The following ITGA11 variants were observed in gnomAD, a reference collection of about 807,000 sequenced individuals.
ITGA11 encodes the protein integrin alpha-11.
In ITGA11, 97 loss-of-function variants were observed where a neutral mutation model predicts 141.9. The observed-to-expected ratio is 0.68, with a 90% CI of 0.58 to 0.81. The LOEUF (loss-of-function observed/expected upper bound fraction) is 0.81, where lower values mean the gene tolerates loss of function less well. ITGA11 is among the 30% of genes least tolerant of loss of function. The pLI, the probability that ITGA11 is intolerant of heterozygous loss-of-function variation, is 0.00. For synonymous variants in ITGA11, 658 were observed against 624.6 expected (o/e 1.05, Z -0.80); for missense variants, 1,387 against 1,559.2 (o/e 0.89, Z 1.86).
At chr15:68,375,314 G>A (rs898118091) in intron 2 of ITGA11, among the ~76,000 whole-genome samples, 2 of 152,180 alleles carry the variant, frequency 1.3e-5, no homozygotes, top group South Asian at 2.1e-4. Context: ...TGGAGGAGCC[G>A]AGAGCTCGAG....
At chr15:68,396,139 C>A (rs1272979754) in intron 2 of ITGA11, among the ~76,000 whole-genome samples, 1 of 151,952 alleles carries the variant, frequency 6.6e-6, no homozygotes, top group South Asian at 2.1e-4. Context: ...GATACAAATA[C>A]CCCAACAGAA....
At position 68,321,652 on chromosome 15, in the gene ITGA11, T is replaced by G; in HGVS notation, c.2323-149A>C. On this transcript the variant is annotated intron_variant, in intron 18 of 29. Coordinates refer to ENST00000315757, the MANE Select transcript of ITGA11 (RefSeq NM_001004439.2). This position sits in a 1 kb window ranked among gnomAD's most constrained non-coding sequence, Gnocchi z 4.9. The stretch of plus-strand genomic sequence containing the variant: ...CACCACACTGCTCTGTCTTGTGCTT[T>G]TCCATAGATGCTTCCCTCTTTAAAA... The G allele has an allele frequency of 6.5e-6, 3 of 462,372 alleles. No homozygotes were observed. Among genetic ancestry groups the G allele is most frequent in the South Asian group, 4.5e-5 (1 of 22,264 alleles). The allele number at this position is 462,372 out of a possible 1,614,324, so 28.6% of individuals were successfully genotyped here.
intron 6 of ITGA11, 42 bp from the exon 7 acceptor site, chr15:68,357,341 TG>T (rs1567142636): frequency 6.3e-7 from 1 of 1,579,882 alleles, no homozygotes; most frequent in Non-Finnish European, 8.6e-7. Context: ...TTTGACCCCA[TG>T]AACCCATGAA....
Position 68,335,573 on chromosome 15 carries a change from T to C in ITGA11, c.1425+124A>G. The C allele has an allele frequency of 9.0e-7, 1 of 1,111,194 alleles. No individual in the cohort carries two copies. The highest frequency in any genetic ancestry group is 1.5e-5 in the South Asian group (1 of 68,560). The allele number at this position is 1,111,194 out of a possible 1,614,324, so 68.8% of individuals were successfully genotyped here. On this transcript the variant is annotated intron_variant, in intron 12 of 29. Transcript: ENST00000315757. This position sits in a 1 kb window ranked among gnomAD's most constrained non-coding sequence, Gnocchi z 4.9. ...CCACTCCTGGCAGCATGAAGGTGGC[T>C]GGAGGAACATGACTGCCCTTTGGGG...
chr15:68,345,615 T>C (rs1285873889), intron 10 of ITGA11, among the ~76,000 whole-genome samples: 1 of 152,240 alleles, frequency 6.6e-6, no homozygotes, highest in Non-Finnish European at 1.5e-5. Flanking sequence ...CTACCAGAAC[T>C]AAACAGGCCC....
At chr15:68,311,268 C>A in intron 25 of ITGA11, 22 bp downstream of exon 25, 1 of 1,514,170 alleles carries the variant, frequency 6.6e-7, no homozygotes, top group South Asian at 1.2e-5. Flanking sequence ...CTCCCCTAGC[C>A]GGCTCCCAAG....
Position 68,416,349 on chromosome 15 carries a change from G to T in ITGA11, c.53-13320C>A, listed in dbSNP as rs1356679339. On this transcript the variant is annotated intron_variant, in intron 1 of 29. Transcript: ENST00000315757. ...GAACAAATGTCGGCTAGGGCAGGTG[G>T]CATGTAGGCTGAAACAGAGACTCAC... is the stretch of plus-strand genomic sequence containing the variant. Among the ~76,000 whole-genome samples, 9 of 152,308 alleles carry T rather than the reference G, an allele frequency of 5.9e-5. No homozygotes were observed. In the East Asian group the frequency reaches 1.3e-3, roughly 23 times the overall value.
In ITGA11 at chr15:68,344,759, G is replaced by A. The variant is rs369648777; in HGVS notation, c.1131+4071C>T. On this transcript the variant is annotated intron_variant, in intron 10 of 29. Transcript: ENST00000315757. ...AGCACTGGTCCTGTTAGGTCATCAC[G>A]TGCAGGGTAAGTGACCTCACCTTTA... Among the ~76,000 whole-genome samples the A allele has an allele frequency of 4.9e-3, 753 of 152,250 alleles. 3 individuals carry two copies. The highest frequency in any genetic ancestry group is 0.023 in the South Asian group (112 of 4,812).
In ITGA11 at chr15:68,315,644, C is replaced by G; in HGVS notation, c.2792+7G>C. ...CTTTGGGGAGAAGGAGCAGGCACGGCCCTGACCTGCCTGCAGCGAGCTCGA... is the reference window on the plus strand; with the variant it reads ...CTTTGGGGAGAAGGAGCAGGCACGGGCCTGACCTGCCTGCAGCGAGCTCGA... On this transcript the variant is annotated splice_region_variant and intron_variant, in intron 22 of 29. Coordinates refer to ENST00000315757, the MANE Select transcript of ITGA11 (RefSeq NM_001004439.2). 6.2e-7 allele frequency: 1 copy of G among 1,611,900 alleles called. No individual in the cohort carries two copies. Among genetic ancestry groups the G allele is most frequent in the East Asian group, 2.2e-5 (1 of 44,822 alleles).
At chr15:68,409,513 C>T (rs905093721) in intron 1 of ITGA11, among the ~76,000 whole-genome samples, 9 of 151,620 alleles carry the variant, frequency 5.9e-5, no homozygotes, top group Non-Finnish European at 8.8e-5. Flanking sequence ...CTCTACCTAT[C>T]AGTACTACCT....
At chr15:68,342,999 CT>C (rs1232119177) in intron 10 of ITGA11, among the ~76,000 whole-genome samples, 17 of 3,726 alleles carry the variant, frequency 4.6e-3, no homozygotes, top group African/African-American at 7.6e-3. Context: ...GCAAGTTCTT[CT>C]CTCTCTCTCT....
At chr15:68,315,298 T>C (rs888927342) in intron 22 of ITGA11, among the ~76,000 whole-genome samples, 3 of 152,242 alleles carry the variant, frequency 2.0e-5, no homozygotes, top group Non-Finnish European at 4.4e-5. Flanking sequence ...CCTGCTTTGA[T>C]GATCTTAAGG....
At chr15:68,346,284 G>A (rs1365354254) in intron 10 of ITGA11, among the ~76,000 whole-genome samples, 1 of 152,116 alleles carries the variant, frequency 6.6e-6, no homozygotes, top group African/African-American at 2.4e-5. Context: ...CTGGAAGCTG[G>A]GGAACCTGTT....
chr15:68,411,274 A>C (rs907983387), intron 1 of ITGA11, among the ~76,000 whole-genome samples: 3 of 152,194 alleles, frequency 2.0e-5, no homozygotes, highest in Admixed American at 1.3e-4. Context: ...TTAAAGTAGA[A>C]ATTTCAGCTC....
chr15:68,311,291 T>TCGTC lies in ITGA11; in HGVS notation c.3082_3085dup (p.Glu1029GlyfsTer8). On this transcript the variant is annotated frameshift_variant and splice_region_variant, in exon 25 of 30. Coordinates refer to ENST00000315757, the MANE Select transcript of ITGA11 (RefSeq NM_001004439.2). LOFTEE classifies it high-confidence loss of function. ...GCCGGCTCCCAAGGCCATCACCACC[T>TCGTC]CGTCCGTGAGGAAGTCCCTCAGCTT... 1.9e-6 allele frequency: 3 copies of TCGTC among 1,560,466 alleles called. No homozygotes were observed. Among genetic ancestry groups the TCGTC allele is most frequent in the Non-Finnish European group, 2.6e-6 (3 of 1,150,308 alleles).
intron 23 of ITGA11, 90 bp from the exon 24 acceptor site, chr15:68,312,953 C>G (rs982467888): frequency 3.2e-6 from 3 of 943,288 alleles, no homozygotes; most frequent in Admixed American, 3.9e-5. Context: ...CATGTGCCGG[C>G]CTCCCCCGGG....
intron 2 of ITGA11, among the ~76,000 whole-genome samples, chr15:68,372,410 C>A (rs1317100867): frequency 6.6e-6 from 1 of 152,188 alleles, no homozygotes; most frequent in Admixed American, 6.5e-5. Context: ...TACCCTATAC[C>A]TCCTGGCGTG....
At chr15:68,417,571 G>A (rs1050319331) in intron 1 of ITGA11, among the ~76,000 whole-genome samples, 15 of 152,016 alleles carry the variant, frequency 9.9e-5, no homozygotes, top group Non-Finnish European at 1.9e-4. Flanking sequence ...CTAGATCCTG[G>A]CTCTGCTTAA....
At chr15:68,316,945 A>C (rs548273277) in intron 21 of ITGA11, among the ~76,000 whole-genome samples, 58 of 149,220 alleles carry the variant, frequency 3.9e-4, no homozygotes, top group African/African-American at 1.2e-3. Flanking sequence ...TACACAGCAC[A>C]GTGGCAGAGG....
Sources: gnomAD v4.1 joint callset for allele counts (sites outside exome capture counted in the v4.1 genomes callset) on GRCh38, gnomAD v4.1.1 for gene constraint, Gnocchi (gnomAD v3.1) non-coding constraint, MANE v1.5 for transcripts, NCBI Gene and HGNC (gene_info 2026-07-23, HGNC 2026-07-21) for gene names.